The following PTPRK variants were observed in gnomAD, a reference collection of about 807,000 sequenced individuals.
The protein encoded by PTPRK is protein tyrosine phosphatase receptor type K, also known as receptor-type tyrosine-protein phosphatase kappa.
In PTPRK, 75 loss-of-function variants were observed where a neutral mutation model predicts 178.0. That is an observed-to-expected ratio of 0.42 (90% CI 0.35 to 0.51). The LOEUF (loss-of-function observed/expected upper bound fraction) is 0.51. Among genes scored for constraint, PTPRK ranks in the 20% least tolerant of loss-of-function variants. PTPRK has a pLI of 0.02. For missense variants in PTPRK, 1,441 were observed against 1,797.8 expected, an observed-to-expected ratio of 0.80 and a Z score of 3.59; for synonymous variants, 637 against 620.6, an observed-to-expected ratio of 1.03 and a Z score of -0.39.
At chr6:128,121,983 AG>A (rs1268028873) in intron 7 of PTPRK, among the ~76,000 whole-genome samples, 1 of 152,174 alleles carries the variant, frequency 6.6e-6, no homozygotes, top group Non-Finnish European at 1.5e-5. Context: ...CATAAAGGGC[AG>A]TTAACACCTG....
chr6:128,457,065 T>C (rs958109662), intron 1 of PTPRK, among the ~76,000 whole-genome samples: 48 of 152,118 alleles, frequency 3.2e-4, no homozygotes, highest in Admixed American at 1.5e-3. Context: ...GAGATGTCAA[T>C]GTTTCCGCAT....
At chr6:128,434,443 T>TATAGCTGTGAAC (rs1183324292) in intron 1 of PTPRK, among the ~76,000 whole-genome samples, 2 of 152,152 alleles carry the variant, frequency 1.3e-5, no homozygotes, top group African/African-American at 4.8e-5. Context: ...GGCAATTGAA[T>TATAGCTGTGAAC]ATAGCTGTGA....
intron 7 of PTPRK, among the ~76,000 whole-genome samples, chr6:128,105,942 A>G (rs1789650182): frequency 6.6e-6 from 1 of 152,196 alleles, no homozygotes; most frequent in African/African-American, 2.4e-5. Context: ...CAAGTTTCAC[A>G]AGAGTATTTC....
At chr6:127,976,136 T>G (rs1003163443) in intron 27 of PTPRK, among the ~76,000 whole-genome samples, 1 of 152,298 alleles carries the variant, frequency 6.6e-6, no homozygotes, top group Middle Eastern at 3.4e-3. Context: ...CTTAGAGCCA[T>G]AGGTTGAGAC....
chr6:128,221,911 G>A (rs1050264183), intron 5 of PTPRK, among the ~76,000 whole-genome samples: 2 of 151,950 alleles, frequency 1.3e-5, no homozygotes, highest in African/African-American at 4.8e-5. Context: ...GCAAACCTCA[G>A]ACTGCGTTTT....
chr6:128,204,195 T>C lies in PTPRK; in HGVS notation c.868+14727A>G, dbSNP rs185080550. On this transcript the variant is annotated intron_variant, in intron 6 of 29. Coordinates refer to ENST00000368226, the MANE Select transcript of PTPRK (RefSeq NM_002844.4). ...GGGAGAGGATTCCCTATTTAATAAATGGTGCTGGGAGAACTGGCTAGCCAA... is the reference window on the plus strand; with the variant it reads ...GGGAGAGGATTCCCTATTTAATAAACGGTGCTGGGAGAACTGGCTAGCCAA... Among the ~76,000 whole-genome samples the C allele has an allele frequency of 9.2e-4, 140 of 152,298 alleles. 1 individual carries two copies. The highest frequency in any genetic ancestry group is 1.5e-3 in the Non-Finnish European group (103 of 68,034).
At chr6:128,181,920 T>G (rs1801973370) in intron 7 of PTPRK, among the ~76,000 whole-genome samples, 1 of 152,170 alleles carries the variant, frequency 6.6e-6, no homozygotes, top group South Asian at 2.1e-4. Flanking sequence ...TAAGCTTCTC[T>G]TTATTTTCTA....
At chr6:128,327,224 T>C (rs923178121) in intron 2 of PTPRK, among the ~76,000 whole-genome samples, 16 of 152,142 alleles carry the variant, frequency 1.1e-4, no homozygotes, top group Non-Finnish European at 7.4e-5. Flanking sequence ...ACATGGGAAA[T>C]TGGATCAATA....
chr6:128,030,369 C>T (rs1008080279), intron 13 of PTPRK, among the ~76,000 whole-genome samples: 1 of 152,080 alleles, frequency 6.6e-6, no homozygotes, highest in Non-Finnish European at 1.5e-5. Flanking sequence ...TATAAAGCAG[C>T]AAGGAAAGAG....
At chr6:128,017,802 G>GTGTGTATATATATA (rs1287001811) in intron 13 of PTPRK, among the ~76,000 whole-genome samples, 1 of 101,258 alleles carries the variant, frequency 9.9e-6, no homozygotes, top group African/African-American at 3.3e-5. Context: ...ATATATATGT[G>GTGTGTATATATATA]TATATATATA....
chr6:128,061,808 G>T (rs1157001571), intron 13 of PTPRK, among the ~76,000 whole-genome samples: 1 of 152,096 alleles, frequency 6.6e-6, no homozygotes, highest in South Asian at 2.1e-4. Flanking sequence ...TCTCAGTGCT[G>T]TTTCTAACTC....
chr6:128,077,864 G>C (rs929935067), intron 11 of PTPRK, among the ~76,000 whole-genome samples: 11 of 151,936 alleles, frequency 7.2e-5, no homozygotes, highest in African/African-American at 2.4e-4. Context: ...GATAATATGA[G>C]ACTTTACTGT....
intron 3 of PTPRK, among the ~76,000 whole-genome samples, chr6:128,305,547 T>C (rs1454525668): frequency 6.6e-6 from 1 of 151,908 alleles, no homozygotes; most frequent in Non-Finnish European, 1.5e-5. Context: ...AGAAAAGAAA[T>C]CAAGAAAACA....
chr6:128,341,562 C>A (rs539398697), intron 2 of PTPRK, among the ~76,000 whole-genome samples: 237 of 152,064 alleles, frequency 1.6e-3, no homozygotes, highest in Middle Eastern at 0.01. Context: ...AACATTTTTT[C>A]AAAAAGATGC....
At chr6:128,319,548 T>A (rs1340305341) in intron 3 of PTPRK, among the ~76,000 whole-genome samples, 1 of 152,152 alleles carries the variant, frequency 6.6e-6, no homozygotes, top group Admixed American at 6.6e-5. Flanking sequence ...AATGGGGATA[T>A]TCTTTAAGAA....
At chr6:128,103,979 T>G (rs772226451) in intron 7 of PTPRK, among the ~76,000 whole-genome samples, 4 of 152,154 alleles carry the variant, frequency 2.6e-5, no homozygotes, top group Non-Finnish European at 4.4e-5. Context: ...CCTTGCTTGC[T>G]CCGTTCAAAC....
intron 2 of PTPRK, among the ~76,000 whole-genome samples, chr6:128,338,447 CA>C (rs1831228086): frequency 6.6e-6 from 1 of 152,106 alleles, no homozygotes; most frequent in African/African-American, 2.4e-5. Flanking sequence ...GGATGAAGAT[CA>C]AGGCTGGGAA....
chr6:128,172,483 T>G (rs1420196200), intron 7 of PTPRK, among the ~76,000 whole-genome samples: 2 of 151,862 alleles, frequency 1.3e-5, no homozygotes, highest in East Asian at 3.9e-4. Context: ...ACTCAAGGGT[T>G]TAAAAAATCA....
chr6:128,419,064 G>T (rs1467487616), intron 1 of PTPRK, among the ~76,000 whole-genome samples: 1 of 152,174 alleles, frequency 6.6e-6, no homozygotes, highest in Non-Finnish European at 1.5e-5. Context: ...CTAGTATCCA[G>T]TAATTCAAAT....
Sources: gnomAD v4.1 joint callset for allele counts (sites outside exome capture counted in the v4.1 genomes callset) on GRCh38, gnomAD v4.1.1 for gene constraint, MANE v1.5 for transcripts, NCBI Gene and HGNC (gene_info 2026-07-23, HGNC 2026-07-21) for gene names.